The following CYP51A1 variants were observed in gnomAD, a reference collection of about 807,000 sequenced individuals.
CYP51A1 encodes the protein cytochrome P450 family 51 subfamily A member 1.
CYP51A1 carries 45 observed loss-of-function variants against 53.5 expected under a neutral mutation model. That is an observed-to-expected ratio of 0.84 (90% CI 0.66 to 1.08). CYP51A1 has a LOEUF of 1.08. Ranked by LOEUF, CYP51A1 falls within the 50% of genes least tolerant of loss-of-function variation. CYP51A1 has a pLI of 0.00. For synonymous variants in CYP51A1, 181 were observed against 217.7 expected (o/e 0.83, Z 1.48); for missense variants, 462 against 621.7 (o/e 0.74, Z 2.73).
chr7:92,134,665 C>T (rs1017256865), upstream of CYP51A1: 3 of 359,146 alleles, frequency 8.4e-6, no homozygotes, highest in Non-Finnish European at 5.0e-6. Flanking sequence ...AGATAACTTA[C>T]CTGAAGAGGC....
chr7:92,129,830 G>A (rs961398912), intron 2 of CYP51A1, among the ~76,000 whole-genome samples: 1 of 152,166 alleles, frequency 6.6e-6, no homozygotes, highest in East Asian at 1.9e-4. Flanking sequence ...AGACCTAATA[G>A]AGGAAAAGAC....
intron 4 of CYP51A1, 22 bp from the exon 5 acceptor site, chr7:92,126,449 T>C (rs1164884626): frequency 6.4e-7 from 1 of 1,562,296 alleles, no homozygotes; most frequent in Non-Finnish European, 8.6e-7. Context: ...AAAAAGATTA[T>C]TCTCATTACT....
In CYP51A1 at chr7:92,131,754, TA is replaced by T; in HGVS notation, c.291+19del. Reference sequence around the variant, plus strand: ...TCTAGTTGTTTTTTTTTTTTTCCTCTAATTATTTGGAAGACTTACCTTCTCA... The same window carrying T: ...TCTAGTTGTTTTTTTTTTTTTCCTCTATTATTTGGAAGACTTACCTTCTCA... On this transcript the variant is annotated intron_variant, in intron 2 of 9. Coordinates refer to ENST00000003100, the MANE Select transcript of CYP51A1 (RefSeq NM_000786.4). The T allele has an allele frequency of 1.7e-6, 2 of 1,189,316 alleles. No individual in the cohort carries two copies. The highest frequency in any genetic ancestry group is 1.2e-6 in the Non-Finnish European group (1 of 829,952). The allele number at this position is 1,189,316 out of a possible 1,614,324, so 73.7% of individuals were successfully genotyped here.
chr7:92,127,403 T>C, intron 4 of CYP51A1, 102 bp downstream of exon 4: 2 of 1,083,052 alleles, frequency 1.8e-6, no homozygotes, highest in Non-Finnish European at 2.6e-6. Flanking sequence ...TAGTTTTACA[T>C]ACACTGTAAT....
intron 4 of CYP51A1, 129 bp from the exon 5 acceptor site, chr7:92,126,556 T>C: frequency 1.3e-6 from 1 of 746,466 alleles, no homozygotes; most frequent in East Asian, 2.7e-5. Context: ...TAGACAGACA[T>C]GTGACTATGT....
intron 2 of CYP51A1, among the ~76,000 whole-genome samples, chr7:92,131,082 T>C (rs1458512868): frequency 1.3e-5 from 2 of 152,176 alleles, no homozygotes; most frequent in Non-Finnish European, 2.9e-5. Context: ...CGACATGCCA[T>C]GGACCCAAAG....
At chr7:92,123,904 A>G in intron 5 of CYP51A1, 51 bp from the exon 6 acceptor site, 6 of 1,451,842 alleles carry the variant, frequency 4.1e-6, no homozygotes, top group Non-Finnish European at 5.5e-6. Flanking sequence ...ATAACCTTCT[A>G]GGATCAAATT....
intron 5 of CYP51A1, among the ~76,000 whole-genome samples, chr7:92,124,836 C>T (rs1334684686): frequency 1.3e-5 from 2 of 152,204 alleles, no homozygotes; most frequent in Non-Finnish European, 2.9e-5. Context: ...CAGGTAGAAA[C>T]AGGCAGGTAG....
intron 5 of CYP51A1, among the ~76,000 whole-genome samples, chr7:92,126,011 A>G (rs1418332978): frequency 6.6e-6 from 1 of 152,188 alleles, no homozygotes; most frequent in Non-Finnish European, 1.5e-5. Flanking sequence ...AAAAACATAA[A>G]TAAAATATTA....
intron 2 of CYP51A1, among the ~76,000 whole-genome samples, chr7:92,130,889 A>T (rs1307153437): frequency 6.6e-6 from 1 of 152,188 alleles, no homozygotes; most frequent in Non-Finnish European, 1.5e-5. Flanking sequence ...ACATAATAGG[A>T]CTGTGGAGCA....
rs1028982195 is a variant in CYP51A1 at position 92,113,916 on chromosome 7, C to G, written c.1352-73G>C. On this transcript the variant is annotated intron_variant, in intron 9 of 9. Transcript: ENST00000003100. ...CCTTTTTAGCCTGGGGTGATATTAT[C>G]TACATTTTAGATGAACAGCAAATGT... 3.0e-6 allele frequency: 3 copies of G among 987,700 alleles called. No homozygotes were observed. The African/African-American group carries it at 4.9e-5, about 16-fold the overall frequency. 61.2% of individuals were successfully genotyped at this position (987,700 alleles called of 1,614,324 possible). A position where few individuals can be genotyped will look rare whatever the true frequency, so the allele number is the denominator to read the frequency against.
chr7:92,127,770 C>G, intron 3 of CYP51A1, 139 bp from the exon 4 acceptor site: 1 of 773,478 alleles, frequency 1.3e-6, no homozygotes, highest in Non-Finnish European at 2.1e-6. Context: ...TTTTAAGAGT[C>G]TAAATGAATA....
chr7:92,123,856 G>A lies in CYP51A1; in HGVS notation c.771-3C>T, dbSNP rs1819742480. ...CCCGATGAGCTCTGTCCCTGCGTCTGTAATTAAAAGATAAAGATGATTTTC... is the reference window on the plus strand; with the variant it reads ...CCCGATGAGCTCTGTCCCTGCGTCTATAATTAAAAGATAAAGATGATTTTC... On this transcript the variant is annotated splice_polypyrimidine_tract_variant and splice_region_variant and intron_variant, in intron 5 of 9. Transcript: ENST00000003100. 1.9e-6 allele frequency: 3 copies of A among 1,568,698 alleles called. No homozygotes were observed. Among genetic ancestry groups the A allele is most frequent in the Non-Finnish European group, 2.6e-6 (3 of 1,164,350 alleles).
chr7:92,131,440 A>G (rs942637118), intron 2 of CYP51A1, among the ~76,000 whole-genome samples: 10 of 152,218 alleles, frequency 6.6e-5, no homozygotes, highest in African/African-American at 2.4e-4. Flanking sequence ...CCACAGATGC[A>G]TGGTAAAGAA....
chr7:92,122,421 T>A (rs1347954162), intron 7 of CYP51A1, among the ~76,000 whole-genome samples: 3 of 151,964 alleles, frequency 2.0e-5, no homozygotes, highest in Non-Finnish European at 2.9e-5. Flanking sequence ...CAATATCCTT[T>A]ATGAATATAG....
chr7:92,118,571 T>C lies in CYP51A1; in HGVS notation c.1131A>G (p.Leu377=). The C allele has an allele frequency of 1.9e-6, 3 of 1,599,186 alleles. No individual in the cohort carries two copies. Among genetic ancestry groups the C allele is most frequent in the Non-Finnish European group, 1.7e-6 (2 of 1,166,904 alleles). Residue 377 remains leucine (L), a synonymous_variant, in exon 8 of 10, where the codon TTA becomes TTG. Transcript: ENST00000003100. The part of the protein sequence containing the change: ...NLLDRCIKET[L]RLRPPIMIMM... The stretch of plus-strand genomic sequence containing the variant: ...TGATCATTATAGGAGGTCTAAGTCT[T>C]AATGTTTCTTTTATACAGCGATCAA...
intron 9 of CYP51A1, among the ~76,000 whole-genome samples, chr7:92,115,085 A>G (rs1819557212): frequency 6.6e-6 from 1 of 152,244 alleles, no homozygotes; most frequent in Non-Finnish European, 1.5e-5. Flanking sequence ...TCAACATAAG[A>G]GTAGATAAAT....
intron 2 of CYP51A1, among the ~76,000 whole-genome samples, chr7:92,130,152 A>G (rs1366280909): frequency 6.6e-6 from 1 of 152,240 alleles, no homozygotes; most frequent in Non-Finnish European, 1.5e-5. Flanking sequence ...TAGTTGTAAT[A>G]AAATCAAAGT....
chr7:92,131,485 A>G (rs1180847210), intron 2 of CYP51A1, among the ~76,000 whole-genome samples: 1 of 152,232 alleles, frequency 6.6e-6, no homozygotes, highest in African/African-American at 2.4e-5. Flanking sequence ...TTTAATGACA[A>G]TAAGTGAATA....
Sources: allele counts gnomAD v4.1 joint callset (sites outside exome capture counted in the v4.1 genomes callset), GRCh38; gene constraint gnomAD v4.1.1; transcripts MANE v1.5; gene names NCBI Gene and HGNC (gene_info 2026-07-23, HGNC 2026-07-21).